Variants in SGMS1 observed in about 807,000 individuals in gnomAD.
The protein encoded by SGMS1 is phosphatidylcholine:ceramide cholinephosphotransferase 1.
SGMS1 carries 13 observed loss-of-function variants against 46.2 expected under a neutral mutation model. That is an observed-to-expected ratio of 0.28 (90% CI 0.18 to 0.45). The LOEUF is 0.45. Ranked by LOEUF, SGMS1 falls within the 20% of genes least tolerant of loss-of-function variation. The probability of loss-of-function intolerance (pLI) is 1.00; values close to 1 mark genes in which losing one functional copy is unlikely to be tolerated. For missense variants in SGMS1, 324 were observed against 519.9 expected, an observed-to-expected ratio of 0.62 and a Z score of 3.66; for synonymous variants, 203 against 187.8, an observed-to-expected ratio of 1.08 and a Z score of -0.66.
chr10:50,344,067 C>A lies in SGMS1; in HGVS notation c.48G>T (p.Leu16=). 6.2e-7 allele frequency: 1 copy of A among 1,614,008 alleles called. No individual in the cohort carries two copies. Among genetic ancestry groups the A allele is most frequent in the African/African-American group, 1.3e-5 (1 of 75,034 alleles). Residue 16 remains leucine (L), a synonymous_variant, in exon 7 of 11, where the codon CTG becomes CTT. Transcript: ENST00000361781. The part of the protein sequence containing the change: ...YWSPKKVADW[L]LENAMPEYCE... ...AGTATTCTGGCATAGCATTCTCCAG[C>A]AGCCAGTCTGCCACCTTCTTGGGTG...
intron 6 of SGMS1, among the ~76,000 whole-genome samples, chr10:50,424,469 C>T (rs1564909790): frequency 6.6e-6 from 1 of 152,072 alleles, no homozygotes. Flanking sequence ...AGTGTTTTAA[C>T]CTAGGAAATA....
intron 1 of SGMS1, among the ~76,000 whole-genome samples, chr10:50,596,531 C>T (rs1838595605): frequency 1.3e-5 from 2 of 152,202 alleles, no homozygotes; most frequent in Non-Finnish European, 2.9e-5. Context: ...ACTGTAAGCA[C>T]AATAACCTTG....
chr10:50,464,718 G>A (rs1047709583), intron 4 of SGMS1, among the ~76,000 whole-genome samples: 4 of 152,210 alleles, frequency 2.6e-5, no homozygotes, highest in Admixed American at 6.5e-5. Flanking sequence ...ACAGGCATGA[G>A]CCACTGCGCC....
At chr10:50,468,073 A>T (rs112308789) in intron 3 of SGMS1, among the ~76,000 whole-genome samples, 1 of 152,188 alleles carries the variant, frequency 6.6e-6, no homozygotes, top group Non-Finnish European at 1.5e-5. Flanking sequence ...AATACCTATA[A>T]AGATAGTAAA....
chr10:50,577,148 G>A (rs1838392560), intron 2 of SGMS1, among the ~76,000 whole-genome samples: 1 of 152,170 alleles, frequency 6.6e-6, no homozygotes, highest in Non-Finnish European at 1.5e-5. Context: ...GTTAAGCTAG[G>A]GGTAACTTGC....
At chr10:50,611,873 C>G (rs1838753046) in intron 1 of SGMS1, among the ~76,000 whole-genome samples, 1 of 152,094 alleles carries the variant, frequency 6.6e-6, no homozygotes, top group African/African-American at 2.4e-5. Context: ...CACACTGGCA[C>G]CCCCCATCCC....
chr10:50,565,329 A>G (rs1838278725), intron 2 of SGMS1, among the ~76,000 whole-genome samples: 1 of 152,188 alleles, frequency 6.6e-6, no homozygotes, highest in Admixed American at 6.5e-5. Flanking sequence ...TGTGTCATCT[A>G]TACTGCCACT....
At chr10:50,507,596 C>A (rs572800412) in intron 3 of SGMS1, among the ~76,000 whole-genome samples, 13 of 152,294 alleles carry the variant, frequency 8.5e-5, no homozygotes, top group African/African-American at 2.9e-4. Context: ...CTGAACAGCA[C>A]CCTGATTTTT....
chr10:50,579,547 C>A (rs911735677), intron 2 of SGMS1, among the ~76,000 whole-genome samples: 1 of 152,100 alleles, frequency 6.6e-6, no homozygotes, highest in Non-Finnish European at 1.5e-5. Flanking sequence ...ACAGTCTTAG[C>A]CTTCTCACAA....
chr10:50,330,512 A>T (rs1012481111), intron 7 of SGMS1, among the ~76,000 whole-genome samples: 3 of 148,134 alleles, frequency 2.0e-5, no homozygotes, highest in African/African-American at 7.9e-5. Context: ...AAAAGGGGTT[A>T]AAAAAAATTA....
chr10:50,377,885 G>A (rs1182895466), intron 6 of SGMS1, among the ~76,000 whole-genome samples: 1 of 152,038 alleles, frequency 6.6e-6, no homozygotes, highest in Non-Finnish European at 1.5e-5. Flanking sequence ...CCTTCACATT[G>A]CCTTCCCTTC....
intron 2 of SGMS1, among the ~76,000 whole-genome samples, chr10:50,588,737 T>TG (rs1169985996): frequency 1.4e-5 from 2 of 146,192 alleles, no homozygotes; most frequent in Non-Finnish European, 3.0e-5. Flanking sequence ...TTTTTTTTTT[T>TG]TTTTTTTTTT....
chr10:50,313,620 A>G (rs1422694901), intron 8 of SGMS1, among the ~76,000 whole-genome samples: 4 of 152,364 alleles, frequency 2.6e-5, no homozygotes, highest in African/African-American at 9.6e-5. Flanking sequence ...TAAAATGTAG[A>G]AGAAAATTAT....
intron 3 of SGMS1, among the ~76,000 whole-genome samples, chr10:50,510,854 A>G (rs1168689773): frequency 1.3e-5 from 2 of 152,118 alleles, no homozygotes; most frequent in African/African-American, 4.8e-5. Context: ...TTTTACATAC[A>G]ATTCTATAAA....
intron 2 of SGMS1, among the ~76,000 whole-genome samples, chr10:50,581,551 G>A (rs1036306276): frequency 2.0e-5 from 3 of 152,168 alleles, no homozygotes; most frequent in Non-Finnish European, 2.9e-5. Flanking sequence ...TAAAGGCAAC[G>A]AAGGAACTAT....
chr10:50,337,174 C>A (rs992928502), intron 7 of SGMS1, among the ~76,000 whole-genome samples: 2 of 152,152 alleles, frequency 1.3e-5, no homozygotes, highest in African/African-American at 4.8e-5. Flanking sequence ...GGAGTTTAGA[C>A]AACACATTTT....
intron 2 of SGMS1, among the ~76,000 whole-genome samples, chr10:50,574,449 C>T (rs989128636): frequency 2.6e-5 from 4 of 152,128 alleles, no homozygotes; most frequent in Non-Finnish European, 5.9e-5. Context: ...GAGATATCAC[C>T]TCACACCTGT....
At chr10:50,589,134 G>T (rs3011710) in intron 2 of SGMS1, among the ~76,000 whole-genome samples, 67,143 of 151,956 alleles carry the variant, frequency 0.44, 15,904 homozygotes, top group East Asian at 0.74. Flanking sequence ...GTAGATTACA[G>T]GAAGAAAGCA....
At chr10:50,567,072 A>T (rs1838294852) in intron 2 of SGMS1, among the ~76,000 whole-genome samples, 1 of 151,752 alleles carries the variant, frequency 6.6e-6, no homozygotes, top group Non-Finnish European at 1.5e-5. Context: ...TCAGCCTCCC[A>T]AGTAGCTGGG....
Sources: gnomAD v4.1 joint callset for allele counts (sites outside exome capture counted in the v4.1 genomes callset) on GRCh38, gnomAD v4.1.1 for gene constraint, MANE v1.5 for transcripts, NCBI Gene and HGNC (gene_info 2026-07-23, HGNC 2026-07-21) for gene names.